Variants in NEMP2 observed in about 807,000 individuals in gnomAD.
The protein encoded by NEMP2 is nuclear envelope integral membrane protein 2.
A neutral mutation model predicts 54.2 loss-of-function variants in NEMP2; 53 were observed. The observed-to-expected ratio is 0.98, with a 90% CI of 0.78 to 1.23. The LOEUF (loss-of-function observed/expected upper bound fraction) is 1.23, where lower values mean the gene tolerates loss of function less well. Among genes scored for constraint, NEMP2 ranks in the 50% most tolerant of loss-of-function variants. The pLI, the probability that NEMP2 is intolerant of heterozygous loss-of-function variation, is 0.00. For synonymous variants in NEMP2, 197 were observed against 190.3 expected (o/e 1.04, Z -0.29); for missense variants, 455 against 511.3 (o/e 0.89, Z 1.06).
the NEMP2 span, among the ~76,000 whole-genome samples, chr2:190,486,746 A>C: frequency 6.6e-6 from 1 of 152,212 alleles, no homozygotes; most frequent in African/African-American, 2.4e-5. Context: ...AATTTTCCAA[A>C]ATACGAGTTA....
chr2:190,470,232 A>G, the NEMP2 span, among the ~76,000 whole-genome samples: 3 of 152,338 alleles, frequency 2.0e-5, no homozygotes, highest in East Asian at 5.8e-4. Context: ...TAGTTACTGA[A>G]AAAAAGATTG....
chr2:190,638,042 A>G, the NEMP2 span, among the ~76,000 whole-genome samples: 1 of 152,198 alleles, frequency 6.6e-6, no homozygotes, highest in Non-Finnish European at 1.5e-5. This position sits in a 1 kb window ranked among gnomAD's most constrained non-coding sequence, Gnocchi z 5.7. Flanking sequence ...GTGAAGAAAG[A>G]GGGATGAAAC....
In NEMP2 at chr2:190,534,698, C is replaced by A. The variant is rs1044866524; in HGVS notation, c.-43G>T. The A allele has an allele frequency of 2.4e-6, 3 of 1,233,692 alleles. No individual in the cohort carries two copies. Among genetic ancestry groups the A allele is most frequent in the Non-Finnish European group, 3.1e-6 (3 of 982,916 alleles). 76.4% of individuals were successfully genotyped at this position (1,233,692 alleles called of 1,614,324 possible). A position where few individuals can be genotyped will look rare whatever the true frequency, so the allele number is the denominator to read the frequency against. ...CCGTGCGACCCGAGCCCTAGGGGACCGGCTCCGCTGCGAGGAGCGGAAGTG... is the reference window on the plus strand; with the variant it reads ...CCGTGCGACCCGAGCCCTAGGGGACAGGCTCCGCTGCGAGGAGCGGAAGTG... On this transcript the variant is annotated 5_prime_UTR_variant, in exon 1 of 9. Transcript: ENST00000409150.
chr2:190,481,211 G>A, the NEMP2 span, among the ~76,000 whole-genome samples: 1 of 152,218 alleles, frequency 6.6e-6, no homozygotes, highest in African/African-American at 2.4e-5. Context: ...TTAAAGGTAT[G>A]CCAAAGGCAT....
the NEMP2 span, among the ~76,000 whole-genome samples, chr2:190,613,728 C>A: frequency 1.3e-5 from 2 of 152,082 alleles, no homozygotes; most frequent in South Asian, 4.1e-4. Context: ...GCTGGGATTA[C>A]AGGTGCCCAC....
chr2:190,646,920 C>T, the NEMP2 span: 1 of 152,138 alleles, frequency 6.6e-6, no homozygotes, highest in Admixed American at 6.5e-5. Context: ...GAAAAAAGTT[C>T]TTTTTTTCTA....
chr2:190,434,694 AG>A, the NEMP2 span, among the ~76,000 whole-genome samples: 6 of 152,166 alleles, frequency 3.9e-5, no homozygotes, highest in Non-Finnish European at 2.9e-5. The surrounding 1 kb of genome is among the most constrained non-coding windows in gnomAD (Gnocchi z 4.3). Flanking sequence ...AGCCTCCCAA[AG>A]TGCTGGGATT....
the NEMP2 span, among the ~76,000 whole-genome samples, chr2:190,496,658 ATGTGTGTGTATG>A: frequency 1.3e-5 from 2 of 151,794 alleles, no homozygotes; most frequent in African/African-American, 4.9e-5. This position sits in a 1 kb window ranked among gnomAD's most constrained non-coding sequence, Gnocchi z 4.7. Flanking sequence ...ATATGTGTAT[ATGTGTGTGTATG>A]TGTGTGTGTA....
At chr2:190,557,249 G>C in the NEMP2 span, among the ~76,000 whole-genome samples, 9 of 152,144 alleles carry the variant, frequency 5.9e-5, no homozygotes, top group Admixed American at 4.6e-4. Context: ...TTAATAAATG[G>C]TATTGGGAAA....
chr2:190,645,614 G>GACTAGTATGCGTCACTTAATAATA, the NEMP2 span, among the ~76,000 whole-genome samples: 1 of 152,160 alleles, frequency 6.6e-6, no homozygotes, highest in Non-Finnish European at 1.5e-5. Flanking sequence ...TTTATTAAGT[G>GACTAGTATGCGTCACTTAATAATA]ACTAGTATGC....
At chr2:190,634,131 A>G in the NEMP2 span, among the ~76,000 whole-genome samples, 1 of 152,208 alleles carries the variant, frequency 6.6e-6, no homozygotes, top group Non-Finnish European at 1.5e-5. This position sits in a 1 kb window ranked among gnomAD's most constrained non-coding sequence, Gnocchi z 6.8. Context: ...ACTATTTCAA[A>G]CTTTTCTTAA....
At chr2:190,458,949 G>C in the NEMP2 span, among the ~76,000 whole-genome samples, 1 of 152,200 alleles carries the variant, frequency 6.6e-6, no homozygotes, top group South Asian at 2.1e-4. This position sits in a 1 kb window ranked among gnomAD's most constrained non-coding sequence, Gnocchi z 5.3. Flanking sequence ...ATCATGCTTA[G>C]TTTCTGCTTA....
chr2:190,450,154 A>AAT, the NEMP2 span, among the ~76,000 whole-genome samples: 1 of 152,202 alleles, frequency 6.6e-6, no homozygotes, highest in South Asian at 2.1e-4. Context: ...TATCTTGAGT[A>AAT]ATAGAGTGTC....
chr2:190,572,833 G>GTTCATA, the NEMP2 span, among the ~76,000 whole-genome samples: 83 of 47,862 alleles, frequency 1.7e-3, 1 homozygote, highest in African/African-American at 6.5e-3. Flanking sequence ...CTTTTCATGA[G>GTTCATA]TATATATATA....
At chr2:190,425,779 A>C in the NEMP2 span, among the ~76,000 whole-genome samples, 1 of 152,146 alleles carries the variant, frequency 6.6e-6, no homozygotes, top group South Asian at 2.1e-4. The surrounding 1 kb of genome is among the most constrained non-coding windows in gnomAD (Gnocchi z 4.3). Flanking sequence ...TCTTGTATCT[A>C]GATTTACCAG....
chr2:190,469,805 T>C, the NEMP2 span: 6 of 1,611,114 alleles, frequency 3.7e-6, no homozygotes, highest in South Asian at 6.6e-5. This position sits in a 1 kb window ranked among gnomAD's most constrained non-coding sequence, Gnocchi z 5.3. Flanking sequence ...TATATTTATA[T>C]TTCCTACCTG....
the NEMP2 span, among the ~76,000 whole-genome samples, chr2:190,647,800 C>T: frequency 1.4e-5 from 2 of 145,638 alleles, no homozygotes; most frequent in Non-Finnish European, 3.0e-5. Context: ...CTGCAACCTC[C>T]GCCTCCCGGG....
At chr2:190,493,138 C>T in the NEMP2 span, among the ~76,000 whole-genome samples, 5 of 152,062 alleles carry the variant, frequency 3.3e-5, no homozygotes, top group South Asian at 2.1e-4. Context: ...TCAAGAGACT[C>T]GCCTAACACA....
the NEMP2 span, among the ~76,000 whole-genome samples, chr2:190,489,555 C>T: frequency 6.6e-6 from 1 of 152,174 alleles, no homozygotes; most frequent in South Asian, 2.1e-4. This position sits in a 1 kb window ranked among gnomAD's most constrained non-coding sequence, Gnocchi z 6.6. Context: ...GTTTTATAAT[C>T]GATCAATGAC....
Sources: allele counts gnomAD v4.1 joint callset (sites outside exome capture counted in the v4.1 genomes callset), GRCh38; gene constraint gnomAD v4.1.1; non-coding constraint Gnocchi (gnomAD v3.1); transcripts MANE v1.5; gene names NCBI Gene and HGNC (gene_info 2026-07-23, HGNC 2026-07-21).